SFI1: variants seen among roughly 807,000 people sequenced by gnomAD.
The protein encoded by SFI1 is SFI1 centrin binding protein.
Under a neutral mutation model 207.5 loss-of-function variants are expected in SFI1, and 195 were observed. The ratio of observed to expected loss-of-function variants is 0.94; its 90% CI spans 0.84 to 1.06. The LOEUF (loss-of-function observed/expected upper bound fraction) is 1.06, where lower values mean the gene tolerates loss of function less well. Among genes scored for constraint, SFI1 ranks in the 50% least tolerant of loss-of-function variants. The probability of loss-of-function intolerance (pLI) is 0.00; values close to 1 mark genes in which losing one functional copy is unlikely to be tolerated. For synonymous variants in SFI1, 630 were observed against 598.9 expected (o/e 1.05, Z -0.76); for missense variants, 1,634 against 1,588.0 (o/e 1.03, Z -0.49).
At position 31,505,364 on chromosome 22, in the gene SFI1, G is replaced by A. The variant is rs182980575; in HGVS notation, c.-30-2891G>A. The stretch of plus-strand genomic sequence containing the variant: ...TGAAGCAGGAGAATCGGTTGAACCC[G>A]GGAAGTGGAGGTTGCAGTGAGCCTA... On this transcript the variant is annotated intron_variant, in intron 1 of 32. Transcript: ENST00000400288. Among the ~76,000 whole-genome samples the A allele has an allele frequency of 4.3e-3, 650 of 152,112 alleles. 5 individuals are homozygous for A. Among genetic ancestry groups the A allele is most frequent in the African/African-American group, 0.015 (638 of 41,522 alleles).
At chr22:31,528,290 C>T (rs2058128548) in intron 2 of SFI1, among the ~76,000 whole-genome samples, 1 of 151,620 alleles carries the variant, frequency 6.6e-6, no homozygotes, top group Admixed American at 6.6e-5. Flanking sequence ...GTGGCGAGCA[C>T]CTGTGGTCCT....
intron 7 of SFI1, 22 bp downstream of exon 7, chr22:31,557,081 A>G (rs1602652967): frequency 6.8e-7 from 1 of 1,461,010 alleles, no homozygotes; most frequent in Non-Finnish European, 9.5e-7. Context: ...CAACTGCCCT[A>G]CAAAGTACCA....
intron 22 of SFI1, among the ~76,000 whole-genome samples, chr22:31,609,833 G>A (rs187241177): frequency 2.7e-4 from 41 of 152,352 alleles, no homozygotes; most frequent in African/African-American, 6.7e-4. Flanking sequence ...CTGACCCTTT[G>A]GGCACCTGAC....
intron 8 of SFI1, among the ~76,000 whole-genome samples, chr22:31,564,448 A>G (rs1227076407): frequency 6.6e-6 from 1 of 151,618 alleles, no homozygotes; most frequent in African/African-American, 2.4e-5. Flanking sequence ...CAAGTACTCA[A>G]CACCCTCACC....
At chr22:31,528,552 G>A in intron 2 of SFI1, 138 bp from the exon 3 acceptor site, 2 of 787,746 alleles carry the variant, frequency 2.5e-6, no homozygotes, top group Non-Finnish European at 4.0e-6. Flanking sequence ...AGATTGGGCT[G>A]CTTATTATCC....
intron 8 of SFI1, among the ~76,000 whole-genome samples, chr22:31,571,254 GA>G (rs1215218968): frequency 1.3e-5 from 2 of 152,146 alleles, no homozygotes; most frequent in East Asian, 3.9e-4. Flanking sequence ...CCAAATCATA[GA>G]AAAGGTGGAT....
At chr22:31,555,336 A>G (rs892481046) in intron 6 of SFI1, among the ~76,000 whole-genome samples, 2 of 152,132 alleles carry the variant, frequency 1.3e-5, no homozygotes, top group African/African-American at 2.4e-5. Context: ...AAAAAATACA[A>G]AAATTAGCCA....
At chr22:31,614,469 C>G (rs1304275002) in intron 27 of SFI1, 1 of 526,868 alleles carries the variant, frequency 1.9e-6, no homozygotes, top group African/African-American at 1.9e-5. Context: ...CACTGTTTGA[C>G]TGACCTTGAT....
At chr22:31,586,633 T>C (rs1001654023) in intron 14 of SFI1, among the ~76,000 whole-genome samples, 4 of 152,232 alleles carry the variant, frequency 2.6e-5, no homozygotes, top group African/African-American at 9.6e-5. Context: ...CCACTTGTTA[T>C]CTTAAGTTCA....
chr22:31,590,986 T>TATTTATTTATTG (rs1461836146), intron 15 of SFI1, among the ~76,000 whole-genome samples: 1 of 151,036 alleles, frequency 6.6e-6, no homozygotes, highest in African/African-American at 2.4e-5. Context: ...TTTATTTTTT[T>TATTTATTTATTG]ATTGATAATT....
chr22:31,599,265 G>A (rs772557608), intron 15 of SFI1, among the ~76,000 whole-genome samples: 2 of 152,046 alleles, frequency 1.3e-5, no homozygotes, highest in South Asian at 2.1e-4. Flanking sequence ...ATGATATGAC[G>A]TAGGAGTCAA....
intron 4 of SFI1, among the ~76,000 whole-genome samples, chr22:31,541,726 A>G (rs1380781332): frequency 4.8e-5 from 7 of 144,858 alleles, no homozygotes; most frequent in African/African-American, 1.3e-4. Flanking sequence ...CCTAGGTAAC[A>G]GAACAAGACT....
At chr22:31,605,233 A>C in intron 20 of SFI1, 1 of 256,398 alleles carries the variant, frequency 3.9e-6, no homozygotes, top group Non-Finnish European at 7.4e-6. Flanking sequence ...CACGCCTACA[A>C]AATTCAGCTT....
chr22:31,566,515 A>G (rs2062328544), intron 8 of SFI1, among the ~76,000 whole-genome samples: 1 of 152,270 alleles, frequency 6.6e-6, no homozygotes, highest in South Asian at 2.1e-4. Context: ...GCAGTAAGCA[A>G]CAGTGTAGGT....
In SFI1 at chr22:31,568,191, GTGTTGTGTGTGTGTGTGTGTA is replaced by G. The variant is rs772990674; in HGVS notation, c.766-4865_766-4845del. Among the ~76,000 whole-genome samples, 22 of 81,956 alleles carry G rather than the reference GTGTTGTGTGTGTGTGTGTGTA, an allele frequency of 2.7e-4. No individual in the cohort carries two copies. In the East Asian group the frequency reaches 0.011, roughly 40 times the overall value. The allele number at this position is 81,956 out of a possible 152,430, so 53.8% of individuals were successfully genotyped here. A position where few individuals can be genotyped will look rare whatever the true frequency, so the allele number is the denominator to read the frequency against. ...TGTGTGTGTGTGTGTGTGTGTGTGT[GTGTTGTGTGTGTGTGTGTGTA>G]TATATATATATATATTTTTTTTTTT... On this transcript the variant is annotated intron_variant, in intron 8 of 32. Transcript: ENST00000400288.
chr22:31,541,868 C>CACGGCA (rs2059533720), intron 4 of SFI1, among the ~76,000 whole-genome samples: 1 of 151,648 alleles, frequency 6.6e-6, no homozygotes, highest in Non-Finnish European at 1.5e-5. Context: ...TTTGGGAGGC[C>CACGGCA]GAGGTGGGCG....
At chr22:31,567,364 G>C (rs1383833327) in intron 8 of SFI1, among the ~76,000 whole-genome samples, 1 of 152,132 alleles carries the variant, frequency 6.6e-6, no homozygotes, top group Non-Finnish European at 1.5e-5. Context: ...AGGTAACAGG[G>C]AGCCAGAACG....
intron 4 of SFI1, among the ~76,000 whole-genome samples, chr22:31,539,459 C>T (rs2059282931): frequency 1.3e-5 from 2 of 152,284 alleles, no homozygotes; most frequent in South Asian, 2.1e-4. Flanking sequence ...TTCTTGTTCT[C>T]TGCATGTTCC....
chr22:31,594,616 G>A (rs947831677), intron 15 of SFI1, among the ~76,000 whole-genome samples: 6 of 151,402 alleles, frequency 4.0e-5, no homozygotes, highest in Admixed American at 3.3e-4. Context: ...AGCACTTTGG[G>A]AGTCCAAGGC....
Sources: allele counts gnomAD v4.1 joint callset (sites outside exome capture counted in the v4.1 genomes callset), GRCh38; gene constraint gnomAD v4.1.1; transcripts MANE v1.5; gene names NCBI Gene and HGNC (gene_info 2026-07-23, HGNC 2026-07-21).